Variants in PHACTR1 observed in about 807,000 individuals in gnomAD.
The protein encoded by PHACTR1 is RPEL repeat containing 1.
Under a neutral mutation model 69.2 loss-of-function variants are expected in PHACTR1, and 16 were observed. The ratio of observed to expected loss-of-function variants is 0.23; its 90% confidence interval spans 0.16 to 0.35. The LOEUF is 0.35. PHACTR1 is among the 10% of genes least tolerant of loss of function. The pLI is 1.00. For synonymous variants in PHACTR1, 312 were observed against 284.5 expected, an observed-to-expected ratio of 1.10 and a Z score of -0.97; for missense variants, 510 against 734.7, an observed-to-expected ratio of 0.69 and a Z score of 3.54.
At chr6:13,104,373 T>A (rs1194461593) in intron 5 of PHACTR1, among the ~76,000 whole-genome samples, 1 of 152,198 alleles carries the variant, frequency 6.6e-6, no homozygotes, top group Non-Finnish European at 1.5e-5. Context: ...TGTGTGTGTG[T>A]TGAGGGGTAC....
chr6:12,830,693 G>A (rs1777465897), intron 4 of PHACTR1, among the ~76,000 whole-genome samples: 2 of 151,986 alleles, frequency 1.3e-5, no homozygotes, highest in East Asian at 1.9e-4. Context: ...GGGTTCAAGC[G>A]ATTCTCCTTC....
chr6:12,838,923 A>G (rs190332505), intron 4 of PHACTR1, among the ~76,000 whole-genome samples: 85 of 152,316 alleles, frequency 5.6e-4, no homozygotes, highest in Admixed American at 4.9e-3. Context: ...TCTTTAAATT[A>G]TAAGGCTGTT....
At chr6:12,785,115 AC>A (rs5874378) in intron 4 of PHACTR1, among the ~76,000 whole-genome samples, 56,327 of 151,860 alleles carry the variant, frequency 0.37, 11,227 homozygotes, top group African/African-American at 0.5. Context: ...CACATATACT[AC>A]AGCAAAAGAA....
chr6:12,743,610 A>T (rs145071352), intron 3 of PHACTR1, among the ~76,000 whole-genome samples: 15 of 152,198 alleles, frequency 9.9e-5, no homozygotes, highest in Non-Finnish European at 1.9e-4. Flanking sequence ...AGAGCTAACT[A>T]TCTTAAATAT....
At chr6:12,972,763 T>C (rs547653150) in intron 4 of PHACTR1, among the ~76,000 whole-genome samples, 18 of 152,012 alleles carry the variant, frequency 1.2e-4, no homozygotes, top group African/African-American at 1.9e-4. Flanking sequence ...GCGATTCTCC[T>C]GTCTCAGCCT....
Position 13,095,006 on chromosome 6 carries a change from G to A in PHACTR1, c.415+41477G>A, listed in dbSNP as rs574248634. ...ATTAGATAAGAAGACTCACCAGAGA[G>A]CTTGCTAGCCTAGTGTCTCTCTCTC... On this transcript the variant is annotated intron_variant, in intron 5 of 14. Coordinates refer to ENST00000332995, the MANE Select transcript of PHACTR1 (RefSeq NM_030948.6). Among the ~76,000 whole-genome samples, 8 of 152,258 alleles carry A rather than the reference G, an allele frequency of 5.3e-5. No individual in the cohort carries two copies. In the South Asian group the frequency reaches 8.3e-4, roughly 16 times the overall value.
At chr6:13,232,388 T>C (rs1344614188) in intron 10 of PHACTR1, among the ~76,000 whole-genome samples, 4 of 152,222 alleles carry the variant, frequency 2.6e-5, no homozygotes, top group African/African-American at 9.6e-5. Context: ...TGGTCAACAC[T>C]GATGGATGAT....
chr6:13,208,999 A>G (rs1766377935), intron 8 of PHACTR1, among the ~76,000 whole-genome samples: 1 of 152,140 alleles, frequency 6.6e-6, no homozygotes, highest in Non-Finnish European at 1.5e-5. Context: ...CTCGAGGTCA[A>G]AGCATAGGGT....
At chr6:13,070,604 A>G (rs1027344095) in intron 5 of PHACTR1, among the ~76,000 whole-genome samples, 3 of 152,118 alleles carry the variant, frequency 2.0e-5, no homozygotes, top group Admixed American at 6.5e-5. Flanking sequence ...CATCACAGTT[A>G]CCCATGACTT....
At position 13,287,114 on chromosome 6, in the gene PHACTR1, AAACATAAATTTATAAG is replaced by A; in HGVS notation, c.*40_*55del. Reference sequence around the variant, plus strand: ...CCTCTTGAGTGCTATGCTGTCTTCAAAACATAAATTTATAAGAACCATAAGTGCTGGTATTTATTCA... The same window carrying A: ...CCTCTTGAGTGCTATGCTGTCTTCAAAACCATAAGTGCTGGTATTTATTCA... On this transcript the variant is annotated 3_prime_UTR_variant, in exon 15 of 15. Transcript: ENST00000332995. 1 of 1,579,570 alleles carries A rather than the reference AAACATAAATTTATAAG, an allele frequency of 6.3e-7. No homozygotes were observed. Among genetic ancestry groups the A allele is most frequent in the Non-Finnish European group, 8.6e-7 (1 of 1,156,972 alleles).
intron 4 of PHACTR1, among the ~76,000 whole-genome samples, chr6:12,982,026 C>T (rs577458211): frequency 1.3e-5 from 2 of 152,286 alleles, no homozygotes; most frequent in South Asian, 4.1e-4. Context: ...TACTCTCTCC[C>T]TTCCCAAATC....
At chr6:13,096,253 C>G (rs527646196) in intron 5 of PHACTR1, among the ~76,000 whole-genome samples, 56 of 152,270 alleles carry the variant, frequency 3.7e-4, no homozygotes, top group African/African-American at 1.3e-3. Flanking sequence ...CTTTCCACCC[C>G]CTGGTGTTAG....
chr6:12,857,852 A>G (rs1036021527), intron 4 of PHACTR1, among the ~76,000 whole-genome samples: 10 of 152,192 alleles, frequency 6.6e-5, no homozygotes, highest in Non-Finnish European at 2.9e-5. Flanking sequence ...ACCAAAGTCT[A>G]CAGAAATGAA....
At chr6:12,827,008 C>A (rs966293151) in intron 4 of PHACTR1, among the ~76,000 whole-genome samples, 1 of 152,116 alleles carries the variant, frequency 6.6e-6, no homozygotes, top group Non-Finnish European at 1.5e-5. Context: ...TCACTTGTTG[C>A]AATTCTGTGG....
intron 10 of PHACTR1, among the ~76,000 whole-genome samples, chr6:13,231,297 C>G (rs1166402853): frequency 3.3e-5 from 1 of 30,406 alleles, no homozygotes. Context: ...AAAGAGAGAG[C>G]GAAAGAGAAG....
chr6:13,159,796 TG>T (rs1437669684), intron 5 of PHACTR1, among the ~76,000 whole-genome samples: 5 of 152,050 alleles, frequency 3.3e-5, no homozygotes, highest in Non-Finnish European at 7.4e-5. Flanking sequence ...AAAAATTAGC[TG>T]TGTGTGGTGG....
In PHACTR1 at chr6:13,206,073, C is replaced by T. The variant is rs970694890; in HGVS notation, c.923C>T (p.Ser308Leu). 4 of 1,613,336 alleles carry T rather than the reference C, an allele frequency of 2.5e-6. No homozygotes were observed. The highest frequency in any genetic ancestry group is 1.3e-5 in the African/African-American group (1 of 74,892). ...STTGSLPMHP[S>L]GCRMIDELNK... ...ACCGGCTCCCTCCCCATGCACCCCT[C>T]GGGCTGCAGAATGATAGACGAGCTC... is the stretch of plus-strand genomic sequence containing the variant. Residue 308 changes from serine to leucine, a missense_variant, in exon 8 of 15, where the codon TCG (serine) becomes TTG (leucine). Around this residue, in one of 2 missense-constraint regions of PHACTR1, gnomAD observed 419 missense variants for 530.9 expected, o/e 0.79. Transcript: ENST00000332995.
intron 4 of PHACTR1, among the ~76,000 whole-genome samples, chr6:12,937,253 A>T (rs895316921): frequency 3.9e-5 from 6 of 152,210 alleles, no homozygotes; most frequent in African/African-American, 1.4e-4. Flanking sequence ...CAAAGACAAT[A>T]ATAAAAATGG....
intron 4 of PHACTR1, among the ~76,000 whole-genome samples, chr6:12,808,983 TC>T (rs532645439): frequency 1.1e-3 from 166 of 152,100 alleles, no homozygotes; most frequent in Non-Finnish European, 2.0e-3. Flanking sequence ...GCTCAAGTGA[TC>T]CTCCCACTTC....
Sources: gnomAD v4.1 joint callset for allele counts (sites outside exome capture counted in the v4.1 genomes callset) on GRCh38, gnomAD v4.1.1 for gene constraint, gnomAD v4.1.1 regional missense constraint, MANE v1.5 for transcripts, NCBI Gene and HGNC (gene_info 2026-07-23, HGNC 2026-07-21) for gene names.